Variants in NBEA observed in about 807,000 individuals in gnomAD.
NBEA encodes the protein lysosomal-trafficking regulator 2.
Under a neutral mutation model 343.4 loss-of-function variants are expected in NBEA, and 44 were observed. That is an observed-to-expected ratio of 0.13 (90% CI 0.10 to 0.16). The LOEUF is 0.16. Ranked by LOEUF, NBEA falls within the 10% of genes least tolerant of loss-of-function variation. The pLI is 1.00. For synonymous variants in NBEA, 1,175 were observed against 1,238.7 expected (o/e 0.95, Z 1.08); for missense variants, 2,555 against 3,631.3 (o/e 0.70, Z 7.62).
At chr13:35,653,087 T>C (rs2153080658) in intron 53 of NBEA, among the ~76,000 whole-genome samples, 1 of 152,282 alleles carries the variant, frequency 6.6e-6, no homozygotes, top group Admixed American at 6.5e-5. Context: ...CTATAACTCT[T>C]TGCAGCAGAC....
intron 41 of NBEA, chr13:35,474,377 T>C (rs1057491696): frequency 2.0e-5 from 3 of 151,690 alleles, no homozygotes; most frequent in Non-Finnish European, 4.4e-5. Context: ...TATATTTAAA[T>C]AACATTTCAA....
chr13:35,381,890 A>C (rs978754838), intron 38 of NBEA, among the ~76,000 whole-genome samples: 18 of 152,158 alleles, frequency 1.2e-4, no homozygotes, highest in African/African-American at 4.1e-4. Flanking sequence ...TATACTCATA[A>C]AAATAATTTG....
At chr13:35,086,634 C>G (rs1175803421) in intron 10 of NBEA, among the ~76,000 whole-genome samples, 1 of 151,948 alleles carries the variant, frequency 6.6e-6, no homozygotes, top group African/African-American at 2.4e-5. Context: ...GTGCGTGTAT[C>G]ACTTTGATAT....
intron 40 of NBEA, among the ~76,000 whole-genome samples, chr13:35,467,438 C>T (rs530571743): frequency 2.0e-5 from 3 of 151,776 alleles, no homozygotes; most frequent in African/African-American, 7.2e-5. Flanking sequence ...TGCCACTGCA[C>T]TCCAGCCTGG....
chr13:35,545,664 G>A (rs1325553080), intron 41 of NBEA, among the ~76,000 whole-genome samples: 1 of 152,134 alleles, frequency 6.6e-6, no homozygotes, highest in East Asian at 1.9e-4. Flanking sequence ...TCCCATGTGA[G>A]AGGCGTAAGT....
intron 7 of NBEA, 50 bp downstream of exon 7, chr13:35,056,179 C>G (rs1435697648): frequency 4.2e-5 from 61 of 1,442,302 alleles, no homozygotes; most frequent in Non-Finnish European, 5.6e-5. Flanking sequence ...GGAGTATGAT[C>G]TATCATTACA....
intron 1 of NBEA, among the ~76,000 whole-genome samples, chr13:34,988,822 GA>G (rs533150987): frequency 1.3e-5 from 2 of 150,646 alleles, no homozygotes; most frequent in Non-Finnish European, 3.0e-5. Context: ...ATTAATTTCT[GA>G]ATTTTTTATT....
intron 34 of NBEA, among the ~76,000 whole-genome samples, chr13:35,256,099 C>T (rs929019223): frequency 5.3e-5 from 8 of 152,138 alleles, no homozygotes; most frequent in African/African-American, 1.9e-4. Context: ...GTGGGTAGCT[C>T]CTATCTGCAG....
At chr13:35,546,917 A>G (rs1395620089) in intron 41 of NBEA, among the ~76,000 whole-genome samples, 1 of 152,118 alleles carries the variant, frequency 6.6e-6, no homozygotes, top group Admixed American at 6.6e-5. Context: ...AAATTGTAGG[A>G]TCATCTTATT....
intron 55 of NBEA, among the ~76,000 whole-genome samples, chr13:35,656,542 C>T (rs1349268234): frequency 6.6e-6 from 1 of 152,148 alleles, no homozygotes; most frequent in East Asian, 1.9e-4. Context: ...CCCAAGAAAA[C>T]ACTAAAGTAG....
intron 47 of NBEA, among the ~76,000 whole-genome samples, chr13:35,601,522 G>A (rs1299054612): frequency 6.6e-6 from 1 of 152,098 alleles, no homozygotes; most frequent in Non-Finnish European, 1.5e-5. Flanking sequence ...CCAGCCCTTT[G>A]GGAGGCTGAG....
intron 46 of NBEA, among the ~76,000 whole-genome samples, chr13:35,590,333 T>C (rs2081475983): frequency 6.6e-6 from 1 of 152,126 alleles, no homozygotes; most frequent in African/African-American, 2.4e-5. Flanking sequence ...GGCCTTCAGG[T>C]ATAATGAGAA....
intron 36 of NBEA, among the ~76,000 whole-genome samples, chr13:35,326,511 GT>G (rs998069632): frequency 6.6e-6 from 1 of 152,022 alleles, no homozygotes; most frequent in Non-Finnish European, 1.5e-5. Context: ...TACTGACATT[GT>G]TTATTAGTTC....
chr13:35,373,816 T>C (rs1281089923), intron 38 of NBEA, among the ~76,000 whole-genome samples: 1 of 152,124 alleles, frequency 6.6e-6, no homozygotes, highest in African/African-American at 2.4e-5. Flanking sequence ...ATCATCTTCA[T>C]GTTGAGTAGG....
At chr13:35,201,420 A>C (rs929035400) in intron 31 of NBEA, among the ~76,000 whole-genome samples, 1 of 152,094 alleles carries the variant, frequency 6.6e-6, no homozygotes, top group African/African-American at 2.4e-5. Flanking sequence ...TCATGAGAGC[A>C]TTCACCTTGC....
At chr13:34,981,143 A>G (rs2060343712) in intron 1 of NBEA, among the ~76,000 whole-genome samples, 1 of 152,098 alleles carries the variant, frequency 6.6e-6, no homozygotes, top group African/African-American at 2.4e-5. Context: ...CCTTTTCTTG[A>G]CATTTTGTAT....
At chr13:35,039,039 G>A (rs2062552389) in intron 1 of NBEA, among the ~76,000 whole-genome samples, 1 of 152,182 alleles carries the variant, frequency 6.6e-6, no homozygotes, top group Admixed American at 6.5e-5. Context: ...ACTCAGGTTT[G>A]GACTGCTGGT....
chr13:35,097,511 A>G (rs1593333531), intron 10 of NBEA, among the ~76,000 whole-genome samples: 1 of 152,008 alleles, frequency 6.6e-6, no homozygotes, highest in South Asian at 2.1e-4. Flanking sequence ...TATTTAGAAT[A>G]CTATATTCAT....
At chr13:35,487,407 A>G (rs2076341900) in intron 41 of NBEA, among the ~76,000 whole-genome samples, 1 of 152,006 alleles carries the variant, frequency 6.6e-6, no homozygotes, top group South Asian at 2.1e-4. Flanking sequence ...AAAATGTGTC[A>G]TGCAGTTAGT....
Sources: gnomAD v4.1 joint callset for allele counts (sites outside exome capture counted in the v4.1 genomes callset) on GRCh38, gnomAD v4.1.1 for gene constraint, MANE v1.5 for transcripts, NCBI Gene and HGNC (gene_info 2026-07-23, HGNC 2026-07-21) for gene names.